MYO9A: variants seen among roughly 807,000 people sequenced by gnomAD.
MYO9A encodes myosin IXA.
In MYO9A, 103 loss-of-function variants were observed where a neutral mutation model predicts 293.3. The ratio of observed to expected loss-of-function variants is 0.35; its 90% CI spans 0.30 to 0.41. MYO9A has a LOEUF of 0.41. Ranked by LOEUF, MYO9A falls within the 10% of genes least tolerant of loss-of-function variation. The pLI is 1.00. For missense variants in MYO9A, 2,685 were observed against 3,033.0 expected (o/e 0.89, Z 2.69); for synonymous variants, 1,001 against 1,035.7 (o/e 0.97, Z 0.64).
chr15:71,872,918 T>C (rs2056562681), intron 32 of MYO9A, among the ~76,000 whole-genome samples: 1 of 151,996 alleles, frequency 6.6e-6, no homozygotes. Flanking sequence ...TGTACTTTTT[T>C]TTTTCTTTTT....
At chr15:71,956,284 C>T (rs76101703) in intron 14 of MYO9A, among the ~76,000 whole-genome samples, 3,874 of 130,270 alleles carry the variant, frequency 0.03, 129 homozygotes, top group East Asian at 0.17. Context: ...CATTCCAACA[C>T]ATGCAACACA....
chr15:71,901,384 T>TA, intron 22 of MYO9A, 44 bp from the exon 23 acceptor site: 1 of 1,561,260 alleles, frequency 6.4e-7, no homozygotes, highest in South Asian at 1.2e-5. Context: ...TAAGAAGAAA[T>TA]GAGAAATTTA....
chr15:71,849,935 C>CTTAATTTA, intron 38 of MYO9A, 101 bp downstream of exon 38: 4 of 944,176 alleles, frequency 4.2e-6, no homozygotes, highest in South Asian at 1.9e-5. Flanking sequence ...TTAAAAACAC[C>CTTAATTTA]TGAATTTATG....
At position 71,893,717 on chromosome 15, in the gene MYO9A, A is replaced by G. The variant is rs77106788; in HGVS notation, c.5104T>C (p.Trp1702Arg). 1.3e-4 allele frequency: 210 copies of G among 1,614,044 alleles called. 1 individual carries two copies. In the African/African-American group the frequency reaches 2.7e-3, roughly 21 times the overall value. ...GGCCCAGCTAACTTCACAGGTTTCC[A>G]TGCTGGTTCATCTTCTTTATGGAGT... The part of the protein sequence containing the change: ...PQLHKEDEPA[W>R]KPVKLAGPGQ... Residue 1702 changes from tryptophan (W) to arginine (R), a missense_variant, in exon 26 of 42, where the codon TGG (tryptophan) becomes CGG (arginine). By Grantham distance (101) the Trp-to-Arg change is moderately radical. Transcript: ENST00000356056.
At chr15:71,991,789 T>G (rs929269779) in intron 10 of MYO9A, among the ~76,000 whole-genome samples, 2 of 152,264 alleles carry the variant, frequency 1.3e-5, no homozygotes. Context: ...AGTCTCGATC[T>G]GTCGCCCAGG....
intron 1 of MYO9A, among the ~76,000 whole-genome samples, chr15:72,086,082 T>C (rs2150485095): frequency 6.6e-6 from 1 of 152,310 alleles, no homozygotes; most frequent in East Asian, 1.9e-4. Flanking sequence ...AAGAGTTTTG[T>C]AAGGCAGTGG....
chr15:71,986,700 T>C (rs2076415749), intron 11 of MYO9A, among the ~76,000 whole-genome samples: 1 of 152,312 alleles, frequency 6.6e-6, no homozygotes, highest in African/African-American at 2.4e-5. Flanking sequence ...CTTATAATTA[T>C]ATAAAGAGAA....
chr15:71,989,654 G>C (rs1180715083), intron 11 of MYO9A, among the ~76,000 whole-genome samples: 1 of 151,742 alleles, frequency 6.6e-6, no homozygotes, highest in East Asian at 1.9e-4. Context: ...CTGTGTGAAA[G>C]AAAAAGAAAA....
Position 71,957,166 on chromosome 15 carries a change from G to A in MYO9A, c.2182+2735C>T, listed in dbSNP as rs376615869. On this transcript the variant is annotated intron_variant, in intron 14 of 41. Transcript: ENST00000356056. ...TAACTTTCTGAGGAACTGCCAAAACGTATTACGGAGTGGCTACATCAGTAG... is the reference window on the plus strand; with the variant it reads ...TAACTTTCTGAGGAACTGCCAAAACATATTACGGAGTGGCTACATCAGTAG... Among the ~76,000 whole-genome samples, 6 of 152,280 alleles carry A rather than the reference G, an allele frequency of 3.9e-5. 1 individual carries two copies. Among genetic ancestry groups the A allele is most frequent in the Non-Finnish European group, 5.9e-5 (4 of 68,020 alleles).
chr15:72,090,367 A>ATAATT (rs1311219059), intron 1 of MYO9A, among the ~76,000 whole-genome samples: 1 of 152,108 alleles, frequency 6.6e-6, no homozygotes, highest in Admixed American at 6.6e-5. Flanking sequence ...TAATTTTGAT[A>ATAATT]TGATACAGTT....
At chr15:72,101,365 C>A (rs2080310160) in intron 1 of MYO9A, among the ~76,000 whole-genome samples, 1 of 146,196 alleles carries the variant, frequency 6.8e-6, no homozygotes, top group Non-Finnish European at 1.5e-5. Context: ...GCCCGGCCAG[C>A]CGCCCCATCT....
At chr15:72,028,749 C>A (rs2077766497) in intron 3 of MYO9A, among the ~76,000 whole-genome samples, 1 of 151,858 alleles carries the variant, frequency 6.6e-6, no homozygotes, top group Admixed American at 6.6e-5. Flanking sequence ...TCCAGACATA[C>A]TTTGGACAGA....
intron 14 of MYO9A, among the ~76,000 whole-genome samples, chr15:71,952,671 C>G (rs773587156): frequency 2.0e-5 from 3 of 152,034 alleles, no homozygotes; most frequent in Non-Finnish European, 4.4e-5. Context: ...AACATTTATT[C>G]AGAGATCACC....
At position 71,935,471 on chromosome 15, in the gene MYO9A, T is replaced by C. The variant is rs2058615056; in HGVS notation, c.2392A>G (p.Ile798Val). The change falls in exon 17 of 42, where the codon ATT becomes GTT. Residue 798 changes from isoleucine (I) to valine (V), a missense_variant. Transcript: ENST00000356056. Reference protein sequence around the residue: ...NEKNQHDTFDIAWNGRTGIRQ... With the variant: ...NEKNQHDTFDVAWNGRTGIRQ... ...ATCCCAGTTCTGCCATTCCAGGCAATATCAAATGTATCACTGTAAAAAATA... is the reference window on the plus strand; with the variant it reads ...ATCCCAGTTCTGCCATTCCAGGCAACATCAAATGTATCACTGTAAAAAATA... 1.2e-6 allele frequency: 2 copies of C among 1,613,310 alleles called. No individual in the cohort carries two copies. The highest frequency in any genetic ancestry group is 1.7e-6 in the Non-Finnish European group (2 of 1,179,518).
At chr15:72,115,638 A>C (rs1022322272) in intron 1 of MYO9A, among the ~76,000 whole-genome samples, 3 of 152,206 alleles carry the variant, frequency 2.0e-5, no homozygotes, top group African/African-American at 7.2e-5. Flanking sequence ...CTGCAGCCAG[A>C]ATGACTTTTT....
intron 12 of MYO9A, among the ~76,000 whole-genome samples, chr15:71,969,951 C>G (rs148254010): frequency 1.5e-3 from 225 of 152,260 alleles, no homozygotes; most frequent in African/African-American, 4.7e-3. Context: ...ATGCCTGGAT[C>G]CCAACTATTG....
At chr15:71,930,814 T>C (rs946306606) in intron 18 of MYO9A, among the ~76,000 whole-genome samples, 3 of 152,220 alleles carry the variant, frequency 2.0e-5, no homozygotes, top group South Asian at 2.1e-4. Flanking sequence ...TGGTTTTCTA[T>C]AGCAGTATGA....
chr15:71,879,723 C>T lies in MYO9A; in HGVS notation c.5737G>A (p.Ala1913Thr), dbSNP rs1274522888. The change falls in exon 30 of 42, where the codon GCG (alanine) becomes ACG (threonine). Residue 1913 changes from alanine to threonine, a missense_variant and splice_region_variant. Coordinates refer to ENST00000356056, the MANE Select transcript of MYO9A (RefSeq NM_006901.4). ...NIFSFYSSAL[A>T]MDDGKSIRYK... ...TCTCCTAACATAGTCCAACTCACCG[C>T]CAATGCAGATGAATAAAAGCTGAAG... 1 of 1,605,688 alleles carries T rather than the reference C, an allele frequency of 6.2e-7. No homozygotes were observed.
intron 10 of MYO9A, among the ~76,000 whole-genome samples, chr15:71,994,132 A>T (rs2076626806): frequency 6.6e-6 from 1 of 152,194 alleles, no homozygotes; most frequent in African/African-American, 2.4e-5. Context: ...TTTTTTAAAT[A>T]GCCAGGTCCA....
Sources: gnomAD v4.1 joint callset for allele counts (sites outside exome capture counted in the v4.1 genomes callset) on GRCh38, gnomAD v4.1.1 for gene constraint, MANE v1.5 for transcripts, NCBI Gene and HGNC (gene_info 2026-07-23, HGNC 2026-07-21) for gene names.